The following CFAP92 variants were observed in gnomAD, a reference collection of about 807,000 sequenced individuals.
CFAP92 encodes the protein uncharacterized protein CFAP92.
CFAP92 carries 86 observed loss-of-function variants against 106.3 expected under a neutral mutation model. The ratio of observed to expected loss-of-function variants is 0.81; its 90% CI spans 0.68 to 0.97. CFAP92 has a LOEUF of 0.97. CFAP92 is among the 50% of genes least tolerant of loss of function. The probability of loss-of-function intolerance (pLI) is 0.00; values close to 1 mark genes in which losing one functional copy is unlikely to be tolerated. For missense variants in CFAP92, 1,204 were observed against 1,283.8 expected (o/e 0.94, Z 0.95); for synonymous variants, 477 against 506.4 (o/e 0.94, Z 0.78).
intron 10 of CFAP92, among the ~76,000 whole-genome samples, chr3:128,944,077 G>A (rs1336068089): frequency 2.0e-5 from 3 of 151,700 alleles, no homozygotes; most frequent in East Asian, 1.9e-4. Context: ...TTACAGGCAT[G>A]AGCCACCATG....
chr3:128,993,314 C>T lies in CFAP92; in HGVS notation c.-10G>A, dbSNP rs780846602. On this transcript the variant is annotated 5_prime_UTR_variant, in exon 2 of 16. Coordinates refer to ENST00000645291, the MANE Select transcript of CFAP92 (RefSeq NM_001394090.1). ...AGGCATGTAGCGACATGCTGCAGAG[C>T]GCACTGCTGGCCGCCGGCGCTCCTG... 1.2e-5 allele frequency: 19 copies of T among 1,609,414 alleles called. No homozygotes were observed. The highest frequency in any genetic ancestry group is 1.7e-5 in the Admixed American group (1 of 59,530).
chr3:128,914,731 G>T, intron 15 of CFAP92: 1 of 178,080 alleles, frequency 5.6e-6, no homozygotes, highest in East Asian at 1.5e-4. Context: ...TTTGCCGCTG[G>T]AAGGTCCCAG....
intron 4 of CFAP92, among the ~76,000 whole-genome samples, chr3:128,984,370 T>C (rs1461016163): frequency 6.6e-6 from 1 of 152,168 alleles, no homozygotes; most frequent in Non-Finnish European, 1.5e-5. Flanking sequence ...GCTGCCAGCA[T>C]GGCTAGAAGA....
At chr3:128,956,532 G>T (rs1473599191) in intron 9 of CFAP92, among the ~76,000 whole-genome samples, 1 of 152,040 alleles carries the variant, frequency 6.6e-6, no homozygotes. Flanking sequence ...TCAAACTTCT[G>T]TAAATTAATG....
intron 9 of CFAP92, among the ~76,000 whole-genome samples, chr3:128,962,923 A>G (rs1942058662): frequency 6.6e-6 from 1 of 152,084 alleles, no homozygotes; most frequent in Non-Finnish European, 1.5e-5. Context: ...ACCTTCCTCT[A>G]CTACCCATTA....
intron 9 of CFAP92, among the ~76,000 whole-genome samples, chr3:128,956,805 T>G (rs1452688417): frequency 6.6e-6 from 1 of 151,504 alleles, no homozygotes; most frequent in Non-Finnish European, 1.5e-5. Flanking sequence ...CATGGTGAAA[T>G]TCTGTCTCTA....
At chr3:128,957,286 T>C (rs1941515599) in intron 9 of CFAP92, among the ~76,000 whole-genome samples, 1 of 152,186 alleles carries the variant, frequency 6.6e-6, no homozygotes, top group Non-Finnish European at 1.5e-5. Context: ...TGTTTGACAG[T>C]TGAAGCAAAA....
chr3:128,912,495 T>C, intron 15 of CFAP92: 2 of 1,612,092 alleles, frequency 1.2e-6, no homozygotes, highest in Non-Finnish European at 1.7e-6. Flanking sequence ...CATCTCTCCT[T>C]TTCCTTCCCA....
rs1381273257 is a variant in CFAP92 at position 128,956,217 on chromosome 3, A to G, written c.1353+9294T>C. On this transcript the variant is annotated intron_variant, in intron 9 of 15. Transcript: ENST00000645291. ...AAAATAAAAAAAAAATAAAAAAATA[A>G]AAAAAAAAAAAGAAAATAGAAAGAA... 3.4e-5 allele frequency among the ~76,000 whole-genome samples: 3 copies of G among 88,056 alleles called. No individual in the cohort carries two copies. The East Asian group carries it at 9.4e-4, about 28-fold the overall frequency. The allele number at this position is 88,056 out of a possible 152,430, so 57.8% of individuals were successfully genotyped here. A position where few individuals can be genotyped will look rare whatever the true frequency, so the allele number is the denominator to read the frequency against.
In CFAP92 at chr3:128,909,945, G is replaced by A. The variant is rs1936079667; in HGVS notation, c.*354C>T. 1.3e-6 allele frequency: 2 copies of A among 1,586,328 alleles called. No homozygotes were observed. The highest frequency in any genetic ancestry group is 3.7e-5 in the Admixed American group (2 of 54,210). ...AACACAGGAGACTAAGACAGGCAAA[G>A]ATGCAGCCCAGGGAGGGACCATGTG... On this transcript the variant is annotated 3_prime_UTR_variant, in exon 16 of 16. Coordinates refer to ENST00000645291, the MANE Select transcript of CFAP92 (RefSeq NM_001394090.1).
intron 12 of CFAP92, among the ~76,000 whole-genome samples, chr3:128,929,194 C>T (rs1938053683): frequency 6.6e-6 from 1 of 152,170 alleles, no homozygotes; most frequent in South Asian, 2.1e-4. Flanking sequence ...CTAGCATCGT[C>T]AGTCATTATA....
At chr3:129,024,537 A>G in the CFAP92 span, among the ~76,000 whole-genome samples, 129 of 151,604 alleles carry the variant, frequency 8.5e-4, 3 homozygotes, top group Admixed American at 8.1e-3. Context: ...TCGCAAAAAA[A>G]AAGAAAAAAA....
chr3:128,912,512 C>T lies in CFAP92; in HGVS notation c.3281-2179G>A, dbSNP rs1936448655. 2.5e-6 allele frequency: 4 copies of T among 1,613,934 alleles called. No individual in the cohort carries two copies. The East Asian group carries it at 6.7e-5, about 27-fold the overall frequency. On this transcript the variant is annotated intron_variant, in intron 15 of 15. Coordinates refer to ENST00000645291, the MANE Select transcript of CFAP92 (RefSeq NM_001394090.1). The stretch of plus-strand genomic sequence containing the variant: ...TCTCTCCTTTTCCTTCCCAGATGCT[C>T]CAGAAAACCTAGATGAGCAGATTAA...
intron 9 of CFAP92, among the ~76,000 whole-genome samples, chr3:128,952,610 A>T (rs1228303869): frequency 2.6e-5 from 4 of 152,188 alleles, no homozygotes; most frequent in African/African-American, 9.7e-5. Flanking sequence ...TTGCTCAGCA[A>T]AGAAACAGGA....
chr3:129,002,144 G>T, intron 1 of CFAP92: 1 of 1,472,868 alleles, frequency 6.8e-7, no homozygotes, highest in Non-Finnish European at 8.9e-7. Context: ...ACATCGAGAC[G>T]CAGATCCGCC....
At chr3:128,959,246 A>C (rs868392847) in intron 9 of CFAP92, among the ~76,000 whole-genome samples, 23 of 152,234 alleles carry the variant, frequency 1.5e-4, no homozygotes, top group Middle Eastern at 3.4e-3. Context: ...AAGACGACAA[A>C]AAGGATTTTA....
intron 15 of CFAP92, among the ~76,000 whole-genome samples, chr3:128,912,187 G>A (rs1936402241): frequency 6.6e-6 from 1 of 152,216 alleles, no homozygotes; most frequent in South Asian, 2.1e-4. Flanking sequence ...GTTATGTGCT[G>A]TGGAGGGTGC....
At chr3:129,003,263 C>A (rs549457151), upstream of CFAP92, 841 of 985,376 alleles carry the variant, frequency 8.5e-4, 1 homozygote, top group Middle Eastern at 1.0e-3. Context: ...TGCGCCTGAA[C>A]GGTCTTCCGG....
upstream of CFAP92, among the ~76,000 whole-genome samples, chr3:128,997,876 T>G (rs1024289184): frequency 1.3e-5 from 2 of 152,216 alleles, no homozygotes; most frequent in African/African-American, 4.8e-5. Context: ...CTTGAGAAAC[T>G]GCCAAACTAT....
Sources: allele counts gnomAD v4.1 joint callset (sites outside exome capture counted in the v4.1 genomes callset), GRCh38; gene constraint gnomAD v4.1.1; transcripts MANE v1.5; gene names NCBI Gene and HGNC (gene_info 2026-07-23, HGNC 2026-07-21).